PLXNA4: variants seen among roughly 807,000 people sequenced by gnomAD.
PLXNA4 encodes plexin A4.
In PLXNA4, 44 loss-of-function variants were observed where a neutral mutation model predicts 191.8. The ratio of observed to expected loss-of-function variants is 0.23; its 90% CI spans 0.18 to 0.29. The LOEUF (loss-of-function observed/expected upper bound fraction) is 0.29. Ranked by LOEUF, PLXNA4 falls within the 10% of genes least tolerant of loss-of-function variation. The probability of loss-of-function intolerance (pLI) is 1.00; values close to 1 mark genes in which losing one functional copy is unlikely to be tolerated. For missense variants in PLXNA4, 1,800 were observed against 2,488.8 expected (o/e 0.72, Z 5.89); for synonymous variants, 1,082 against 1,009.5 (o/e 1.07, Z -1.36).
intron 1 of PLXNA4, among the ~76,000 whole-genome samples, chr7:132,530,247 T>C (rs1292393691): frequency 6.6e-6 from 1 of 152,206 alleles, no homozygotes; most frequent in Non-Finnish European, 1.5e-5. Context: ...CTTATTCAAC[T>C]GTCTAAACAT....
intron 3 of PLXNA4, among the ~76,000 whole-genome samples, chr7:132,388,166 G>A (rs958445286): frequency 6.6e-6 from 1 of 152,154 alleles, no homozygotes; most frequent in African/African-American, 2.4e-5. Context: ...ATCTCAGGGT[G>A]CAGGTGGGGT....
intron 3 of PLXNA4, among the ~76,000 whole-genome samples, chr7:132,447,017 A>G (rs1350267300): frequency 6.6e-6 from 1 of 152,082 alleles, no homozygotes; most frequent in African/African-American, 2.4e-5. Context: ...GATTTGTTAT[A>G]TTAGAATTGC....
intron 2 of PLXNA4, among the ~76,000 whole-genome samples, chr7:132,504,977 C>G (rs1798400158): frequency 6.6e-6 from 1 of 152,162 alleles, no homozygotes; most frequent in Admixed American, 6.5e-5. Context: ...AGGGTGGGAG[C>G]AAAGGAACTC....
chr7:132,485,143 G>A, intron 3 of PLXNA4: 1 of 1,339,346 alleles, frequency 7.5e-7, no homozygotes. Context: ...CCTCTTCATG[G>A]GAATGTGCAC....
chr7:132,516,956 C>T (rs1798965528), intron 1 of PLXNA4, among the ~76,000 whole-genome samples: 1 of 151,924 alleles, frequency 6.6e-6, no homozygotes, highest in Admixed American at 6.6e-5. Flanking sequence ...GACTCTACCT[C>T]AAACAAACAA....
chr7:132,236,196 T>C (rs1798694579), intron 5 of PLXNA4, among the ~76,000 whole-genome samples: 1 of 152,226 alleles, frequency 6.6e-6, no homozygotes, highest in Non-Finnish European at 1.5e-5. Flanking sequence ...TTCAGCCACA[T>C]GAGCCACCTG....
At chr7:132,162,390 C>G (rs1171440888) in intron 24 of PLXNA4, among the ~76,000 whole-genome samples, 1 of 152,212 alleles carries the variant, frequency 6.6e-6, no homozygotes, top group Admixed American at 6.5e-5. Context: ...CTCCAATTTC[C>G]TCACATTCTC....
chr7:132,222,189 T>C (rs1206581742), intron 9 of PLXNA4, among the ~76,000 whole-genome samples: 1 of 152,218 alleles, frequency 6.6e-6, no homozygotes, highest in Non-Finnish European at 1.5e-5. Flanking sequence ...TGTCCACCTG[T>C]AGAACTCCTG....
At chr7:132,345,513 A>G (rs1455364326) in intron 3 of PLXNA4, among the ~76,000 whole-genome samples, 1 of 152,202 alleles carries the variant, frequency 6.6e-6, no homozygotes. Flanking sequence ...TGTTATTGTC[A>G]TCCCAACTAC....
At chr7:132,583,744 C>G (rs1324738048) in intron 2 of PLXNA4, among the ~76,000 whole-genome samples, 1 of 152,168 alleles carries the variant, frequency 6.6e-6, no homozygotes, top group Non-Finnish European at 1.5e-5. Flanking sequence ...TGGCCAGGCC[C>G]TATATTCTTC....
intron 4 of PLXNA4, among the ~76,000 whole-genome samples, chr7:132,249,165 C>T (rs1716210309): frequency 6.6e-6 from 1 of 152,224 alleles, no homozygotes; most frequent in African/African-American, 2.4e-5. Context: ...TGACCTTGAA[C>T]AAAATATTCC....
At chr7:132,163,383 A>G (rs1277517182) in intron 24 of PLXNA4, among the ~76,000 whole-genome samples, 1 of 152,222 alleles carries the variant, frequency 6.6e-6, no homozygotes, top group East Asian at 1.9e-4. Context: ...ACTCTGAGCA[A>G]CTATGATTAT....
upstream of PLXNA4, among the ~76,000 whole-genome samples, chr7:132,582,256 G>T (rs1199347181): frequency 2.0e-5 from 3 of 152,182 alleles, no homozygotes; most frequent in Non-Finnish European, 4.4e-5. Context: ...AACAGAAAAG[G>T]CCTCAAGTTG....
intron 2 of PLXNA4, among the ~76,000 whole-genome samples, chr7:132,627,924 C>G (rs1472481120): frequency 6.6e-6 from 1 of 152,178 alleles, no homozygotes; most frequent in Non-Finnish European, 1.5e-5. Flanking sequence ...TCACTAATAT[C>G]TCTCCAAACC....
rs1429028462 is a variant in PLXNA4, at chr7:132,507,640, C to T, written c.1054G>A (p.Glu352Lys). The T allele has an allele frequency of 1.2e-6, 2 of 1,614,228 alleles. No homozygotes were observed. Among genetic ancestry groups the T allele is most frequent in the Admixed American group, 1.7e-5 (1 of 60,022 alleles). ...GQKRKMKSLD[E>K]SALCIFILKQ... Reference sequence around the variant, plus strand: ...AAGATGAAGATGCACAGGGCCGACTCATCCAGGGATTTCATTTTCCGCTTC... The same window carrying T: ...AAGATGAAGATGCACAGGGCCGACTTATCCAGGGATTTCATTTTCCGCTTC... The change falls in exon 2 of 32, where the codon GAG becomes AAG. Residue 352 changes from glutamate to lysine, a missense_variant. Transcript: ENST00000321063.
At chr7:132,384,012 C>T (rs1220614823) in intron 3 of PLXNA4, 2 of 985,358 alleles carry the variant, frequency 2.0e-6, no homozygotes, top group African/African-American at 1.7e-5. Flanking sequence ...CTGTTACAAA[C>T]CTCTGCCTCC....
At chr7:132,365,374 T>TGCGCGCGC (rs1563059027) in intron 3 of PLXNA4, among the ~76,000 whole-genome samples, 3 of 115,396 alleles carry the variant, frequency 2.6e-5, no homozygotes, top group South Asian at 7.1e-4. Context: ...TGCGCGCGCA[T>TGCGCGCGC]GCATGGGGCA....
intron 4 of PLXNA4, among the ~76,000 whole-genome samples, chr7:132,279,226 T>C (rs1424513995): frequency 6.6e-6 from 1 of 152,192 alleles, no homozygotes; most frequent in Non-Finnish European, 1.5e-5. Context: ...AGCTGGAAGA[T>C]ACCTTGTTCC....
intron 27 of PLXNA4, 50 bp from the exon 28 acceptor site, chr7:132,146,750 A>G (rs757734740): frequency 6.3e-7 from 1 of 1,596,806 alleles, no homozygotes; most frequent in East Asian, 2.2e-5. Flanking sequence ...ACACAGCCTT[A>G]GCCCATCACT....
Sources: gnomAD v4.1 joint callset for allele counts (sites outside exome capture counted in the v4.1 genomes callset) on GRCh38, gnomAD v4.1.1 for gene constraint, MANE v1.5 for transcripts, NCBI Gene and HGNC (gene_info 2026-07-23, HGNC 2026-07-21) for gene names.